The following CNTN6 variants were observed in gnomAD, a reference collection of about 807,000 sequenced individuals.
The protein encoded by CNTN6 is contactin-6.
Under a neutral mutation model 122.8 loss-of-function variants are expected in CNTN6, and 137 were observed. That is an observed-to-expected ratio of 1.12 (90% CI 0.97 to 1.29). The LOEUF (loss-of-function observed/expected upper bound fraction) is 1.29, where lower values mean the gene tolerates loss of function less well. Among genes scored for constraint, CNTN6 ranks in the 50% most tolerant of loss-of-function variants. CNTN6 has a pLI of 0.00. For synonymous variants in CNTN6, 570 were observed against 426.0 expected (o/e 1.34, Z -4.16); for missense variants, 1,634 against 1,223.4 (o/e 1.34, Z -5.01).
chr3:1,208,093 C>A (rs942484100), intron 2 of CNTN6, among the ~76,000 whole-genome samples: 1 of 152,080 alleles, frequency 6.6e-6, no homozygotes, highest in Non-Finnish European at 1.5e-5. Flanking sequence ...TGGTTTCAAA[C>A]GTTTGATAAA....
At chr3:1,183,248 C>T (rs1054545605) in intron 2 of CNTN6, among the ~76,000 whole-genome samples, 11 of 152,038 alleles carry the variant, frequency 7.2e-5, no homozygotes, top group Non-Finnish European at 1.5e-4. Flanking sequence ...AAATAAAAGG[C>T]ACCTGTGAAT....
At chr3:1,159,377 G>A (rs1575066178) in intron 2 of CNTN6, among the ~76,000 whole-genome samples, 1 of 152,198 alleles carries the variant, frequency 6.6e-6, no homozygotes, top group East Asian at 1.9e-4. Flanking sequence ...GGACAGACTG[G>A]AATGGAGCAG....
intron 1 of CNTN6, among the ~76,000 whole-genome samples, chr3:1,104,416 CAT>C (rs567833772): frequency 1.5e-3 from 231 of 152,212 alleles, no homozygotes; most frequent in Non-Finnish European, 2.5e-3. Flanking sequence ...ACATTATACA[CAT>C]GTTTATGGAA....
At position 1,255,394 on chromosome 3, in the gene CNTN6, G is replaced by A. The variant is rs540259032; in HGVS notation, c.359-23019G>A. Reference sequence around the variant, plus strand: ...TTTAAAGCCTATGAAATTGGAAGGGGCTACGTAAGACATTTGAAAATGGAA... The same window carrying A: ...TTTAAAGCCTATGAAATTGGAAGGGACTACGTAAGACATTTGAAAATGGAA... On this transcript the variant is annotated intron_variant, in intron 4 of 22. Transcript: ENST00000446702. Among the ~76,000 whole-genome samples the A allele has an allele frequency of 1.6e-3, 242 of 149,346 alleles. 2 individuals carry two copies. Among genetic ancestry groups the A allele is most frequent in the Non-Finnish European group, 2.8e-3 (193 of 67,734 alleles).
chr3:1,242,065 C>G (rs1170856283), intron 4 of CNTN6, among the ~76,000 whole-genome samples: 2 of 152,094 alleles, frequency 1.3e-5, no homozygotes, highest in Non-Finnish European at 2.9e-5. Context: ...CAGTCGGACA[C>G]GATTGGCAGG....
intron 2 of CNTN6, among the ~76,000 whole-genome samples, chr3:1,171,535 G>A (rs1489065940): frequency 3.3e-5 from 5 of 151,568 alleles, no homozygotes; most frequent in South Asian, 2.1e-4. Flanking sequence ...ACCAACCCCC[G>A]GTTGTGACAA....
chr3:1,402,058 T>G (rs1487202029), intron 21 of CNTN6, among the ~76,000 whole-genome samples: 1 of 151,714 alleles, frequency 6.6e-6, no homozygotes, highest in African/African-American at 2.4e-5. Context: ...CACAGCAAGC[T>G]CCAATGATAA....
chr3:1,330,729 TTA>T (rs1227159604), intron 11 of CNTN6, among the ~76,000 whole-genome samples: 1 of 151,866 alleles, frequency 6.6e-6, no homozygotes, highest in African/African-American at 2.4e-5. Context: ...GTTCCATGAC[TTA>T]TATGCATACC....
intron 7 of CNTN6, among the ~76,000 whole-genome samples, chr3:1,298,827 G>T (rs1423826347): frequency 1.3e-5 from 2 of 152,064 alleles, no homozygotes. Flanking sequence ...CTTGTAAACA[G>T]AACATACTTT....
chr3:1,331,070 AAAG>A (rs1702222919), intron 11 of CNTN6, among the ~76,000 whole-genome samples: 1 of 151,874 alleles, frequency 6.6e-6, no homozygotes, highest in Admixed American at 6.6e-5. Flanking sequence ...GCCGAGGAAA[AAAG>A]AGGTGAAAAC....
At chr3:1,172,658 G>GTA (rs1559452295) in intron 2 of CNTN6, among the ~76,000 whole-genome samples, 1 of 140,080 alleles carries the variant, frequency 7.1e-6, no homozygotes, top group Non-Finnish European at 1.5e-5. Flanking sequence ...GTGTGTGTGT[G>GTA]TATCACAACT....
chr3:1,177,525 CT>C (rs1264837628), intron 2 of CNTN6, among the ~76,000 whole-genome samples: 1 of 152,084 alleles, frequency 6.6e-6, no homozygotes, highest in African/African-American at 2.4e-5. Context: ...CTAGCATCAC[CT>C]TTTTTCTGCC....
chr3:1,348,678 T>TA (rs1705147291), intron 11 of CNTN6, among the ~76,000 whole-genome samples: 1 of 152,044 alleles, frequency 6.6e-6, no homozygotes, highest in Non-Finnish European at 1.5e-5. Flanking sequence ...GGAAGTGAAC[T>TA]AAAACGGAAC....
At chr3:1,155,947 C>T (rs911575541) in intron 2 of CNTN6, among the ~76,000 whole-genome samples, 15 of 152,194 alleles carry the variant, frequency 9.9e-5, no homozygotes, top group Non-Finnish European at 5.9e-5. Flanking sequence ...TATGTCAAGA[C>T]CTTTACAGAT....
At chr3:1,289,865 G>C (rs1399902172) in intron 5 of CNTN6, among the ~76,000 whole-genome samples, 1 of 150,926 alleles carries the variant, frequency 6.6e-6, no homozygotes, top group Non-Finnish European at 1.5e-5. Flanking sequence ...TGGTAGAGAC[G>C]GGGTTTCACC....
rs1201958703 is a variant in CNTN6 at position 1,245,273 on chromosome 3, ATACAC to A, written c.358+17281_358+17285del. 7.8e-3 allele frequency among the ~76,000 whole-genome samples: 71 copies of A among 9,146 alleles called. 6 individuals carry two copies. Among genetic ancestry groups the A allele is most frequent in the South Asian group, 0.036 (11 of 304 alleles). 6.0% of individuals were successfully genotyped at this position (9,146 alleles called of 152,430 possible). A position where few individuals can be genotyped will look rare whatever the true frequency, so the allele number is the denominator to read the frequency against. On this transcript the variant is annotated intron_variant, in intron 4 of 22. Coordinates refer to ENST00000446702, the MANE Select transcript of CNTN6 (RefSeq NM_001289080.2). The stretch of plus-strand genomic sequence containing the variant: ...ATATATATAACATATATATATATAT[ATACAC>A]ACACATATATATATAACATATATAT...
chr3:1,241,384 C>T (rs999664856), intron 4 of CNTN6, among the ~76,000 whole-genome samples: 13 of 151,860 alleles, frequency 8.6e-5, no homozygotes, highest in African/African-American at 2.9e-4. Flanking sequence ...GTGTGGGAAC[C>T]TAGAGTGGGA....
At chr3:1,144,179 C>T (rs779695762) in intron 1 of CNTN6, among the ~76,000 whole-genome samples, 1 of 152,120 alleles carries the variant, frequency 6.6e-6, no homozygotes, top group Non-Finnish European at 1.5e-5. Context: ...AAATGCAAAA[C>T]CCTTGGCTTT....
Position 1,383,181 on chromosome 3 carries a change from G to T in CNTN6, c.2401+5G>T. 6.2e-7 allele frequency: 1 copy of T among 1,610,816 alleles called. No individual in the cohort carries two copies. The highest frequency in any genetic ancestry group is 2.2e-5 in the East Asian group (1 of 44,850). ...TTGTCTACTCTGGGGAAGATGGTAA[G>T]TTGTCCTCAACTCTGGTTTTCTTTG... On this transcript the variant is annotated splice_donor_5th_base_variant and intron_variant, in intron 18 of 22. Transcript: ENST00000446702.
Sources: gnomAD v4.1 joint callset for allele counts (sites outside exome capture counted in the v4.1 genomes callset) on GRCh38, gnomAD v4.1.1 for gene constraint, MANE v1.5 for transcripts, NCBI Gene and HGNC (gene_info 2026-07-23, HGNC 2026-07-21) for gene names.